ALG13: variants seen among roughly 807,000 people sequenced by gnomAD.
ALG13 encodes the protein ALG13 UDP-N-acetylglucosaminyltransferase subunit, also known as UDP-N-acetylglucosamine transferase subunit ALG13.
In ALG13, 11 loss-of-function variants were observed where a neutral mutation model predicts 87.8. The observed-to-expected ratio is 0.13, with a 90% CI of 0.08 to 0.21. The LOEUF (loss-of-function observed/expected upper bound fraction) is 0.21, where lower values mean the gene tolerates loss of function less well. Ranked by LOEUF, ALG13 falls within the 10% of genes least tolerant of loss-of-function variation. ALG13 has a pLI of 1.00. For missense variants in ALG13, 756 were observed against 866.1 expected, an observed-to-expected ratio of 0.87 and a Z score of 1.60; for synonymous variants, 320 against 306.3, an observed-to-expected ratio of 1.04 and a Z score of -0.47.
intron 15 of ALG13, among the ~76,000 whole-genome samples, chrX:111,725,447 G>C (rs765526135): frequency 9.0e-6 from 1 of 110,836 alleles, no homozygotes; most frequent in Non-Finnish European, 1.9e-5. Flanking sequence ...GTAGAATGAT[G>C]GTTACCAGAG....
chrX:111,706,923 C>CAA (rs776803537), intron 3 of ALG13, among the ~76,000 whole-genome samples: 1 of 35,706 alleles, frequency 2.8e-5, no homozygotes, highest in Non-Finnish European at 5.5e-5. Flanking sequence ...TCCACAGATA[C>CAA]AAAAAAAAAA....
chrX:111,696,573 G>C (rs1339510673), intron 3 of ALG13, among the ~76,000 whole-genome samples: 2 of 111,443 alleles, frequency 1.8e-5, no homozygotes, highest in Admixed American at 9.6e-5. Flanking sequence ...TCATTTAATT[G>C]GTTGAAACGT....
At chrX:111,691,322 A>C (rs746302388) in intron 3 of ALG13, among the ~76,000 whole-genome samples, 1 of 110,599 alleles carries the variant, frequency 9.0e-6, no homozygotes, top group Non-Finnish European at 1.9e-5. Context: ...GCTAGTCTCA[A>C]ACTCCTGACC....
chrX:111,751,020 A>T (rs1462788483), intron 24 of ALG13, among the ~76,000 whole-genome samples: 1 of 109,056 alleles, frequency 9.2e-6, no homozygotes, highest in Non-Finnish European at 1.9e-5. Context: ...CTTAGACCTA[A>T]CACTATTATA....
Position 111,682,189 on chromosome X carries a change from G to A in ALG13, c.139G>A (p.Val47Ile), listed in dbSNP as rs766512298. The change falls in exon 2 of 27, where the codon GTA becomes ATA. Residue 47 changes from valine to isoleucine, a missense_variant. Physicochemically the swap from Val to Ile is conservative, Grantham distance 29 (BLOSUM62 3). This residue lies in a region of ALG13 where 153 missense variants were observed against 168.7 expected (regional missense o/e 0.91). Coordinates refer to ENST00000394780, the MANE Select transcript of ALG13 (RefSeq NM_001099922.3). ...LILQIGRGTV[V>I]PEPFSTESFT... Reference sequence around the variant, plus strand: ...CCTGCAAATTGGTAGAGGAACGGTGGTACCTGAACCCTTCAGTACTGAGTC... The same window carrying A: ...CCTGCAAATTGGTAGAGGAACGGTGATACCTGAACCCTTCAGTACTGAGTC... The A allele has an allele frequency of 8.3e-6, 10 of 1,199,753 alleles. No individual in the cohort carries two copies. The Admixed American group carries it at 1.8e-4, about 22-fold the overall frequency.
chrX:111,755,000 G>A (rs1473818739), intron 25 of ALG13, among the ~76,000 whole-genome samples: 3 of 111,678 alleles, frequency 2.7e-5, no homozygotes, highest in Non-Finnish European at 3.8e-5. Context: ...TGGAGGCATC[G>A]TGCTATCTGA....
chrX:111,727,880 G>A, intron 18 of ALG13, 110 bp downstream of exon 18: 1 of 848,966 alleles, frequency 1.2e-6, no homozygotes, highest in East Asian at 3.5e-5. Flanking sequence ...ACCAAACAAA[G>A]CCTTTTCTGG....
rs957301150 is a variant in ALG13 at position 111,745,332 on chromosome X, G to C, written c.2932+428G>C. On this transcript the variant is annotated intron_variant, in intron 24 of 26. Transcript: ENST00000394780. ...AATTTCAACTGAATTTTAAAGATTT[G>C]GGGGAGTGGGGATTAGGAGTCTTAT... Among the ~76,000 whole-genome samples the C allele has an allele frequency of 2.2e-4, 24 of 111,058 alleles. No homozygotes were observed. The Admixed American group carries it at 2.2e-3, about 10-fold the overall frequency.
At position 111,713,306 on chromosome X, in the gene ALG13, A is replaced by T; in HGVS notation, c.1005+9A>T. ...ATGGCTATGAAGACAAGGTAAGAAG[A>T]TGAGTGAATGTTGACTTATATAAAA... On this transcript the variant is annotated intron_variant, in intron 8 of 26. Transcript: ENST00000394780. 8.9e-7 allele frequency: 1 copy of T among 1,121,683 alleles called. No individual in the cohort carries two copies. The highest frequency in any genetic ancestry group is 1.2e-6 in the Non-Finnish European group (1 of 819,437). 92.4% of individuals were successfully genotyped at this position (1,121,683 alleles called of 1,213,427 possible). A position where few individuals can be genotyped will look rare whatever the true frequency, so the allele number is the denominator to read the frequency against.
At chrX:111,711,793 C>A in intron 6 of ALG13, 68 bp downstream of exon 6, 1 of 1,039,492 alleles carries the variant, frequency 9.6e-7, no homozygotes, top group Non-Finnish European at 1.3e-6. Context: ...TTTATTCATT[C>A]AACTGTATTA....
rs1447402838 is a variant in ALG13 at position 111,760,129 on chromosome X, T to G, written c.*130T>G. On this transcript the variant is annotated 3_prime_UTR_variant, in exon 27 of 27. Coordinates refer to ENST00000394780, the MANE Select transcript of ALG13 (RefSeq NM_001099922.3). ...CTATTGTATTTGTCTTTAAAATTAT[T>G]TTATCTTTTGATTTAAAATAGTACT... The G allele has an allele frequency of 1.3e-6, 1 of 764,409 alleles. No individual in the cohort carries two copies. Among genetic ancestry groups the G allele is most frequent in the African/African-American group, 2.1e-5 (1 of 46,653 alleles). 63.0% of individuals were successfully genotyped at this position (764,409 alleles called of 1,213,427 possible).
In ALG13 at chrX:111,744,692, G is replaced by T; in HGVS notation, c.2720G>T (p.Cys907Phe). The change falls in exon 24 of 27, where the codon TGC (cysteine) becomes TTC (phenylalanine). Residue 907 changes from cysteine to phenylalanine, a missense_variant. This residue lies in a region of ALG13 where 362 missense variants were observed against 383.5 expected (regional missense o/e 0.94). Coordinates refer to ENST00000394780, the MANE Select transcript of ALG13 (RefSeq NM_001099922.3). Reference sequence around the variant, plus strand: ...GTGATTGCCTCACCATCCTATCCATGCCATTCTGCTATTCCTCATGCTGGT... The same window carrying T: ...GTGATTGCCTCACCATCCTATCCATTCCATTCTGCTATTCCTCATGCTGGT... ...RPVIASPSYP[C>F]HSAIPHAGAS... is the part of the protein sequence containing the mutation. 8.4e-7 allele frequency: 1 copy of T among 1,183,503 alleles called. No individual in the cohort carries two copies. The highest frequency in any genetic ancestry group is 1.1e-6 in the Non-Finnish European group (1 of 883,771).
chrX:111,726,889 T>G lies in ALG13; in HGVS notation c.1810T>G (p.Tyr604Asp), dbSNP rs1299120203. 21 of 1,209,434 alleles carry G rather than the reference T, an allele frequency of 1.7e-5. No homozygotes were observed. The highest frequency in any genetic ancestry group is 2.2e-5 in the Non-Finnish European group (20 of 895,063). The change falls in exon 16 of 27, where the codon TAC becomes GAC. Residue 604 changes from tyrosine (Y) to aspartate (D), a missense_variant. Transcript: ENST00000394780. ...RGKEVYMTMA[Y>D]GKGDPLLPPR... The stretch of plus-strand genomic sequence containing the variant: ...GAAAGAAGTTTACATGACTATGGCT[T>G]ACGGCAAGGGAGACCCCCTCCTCCC...
chrX:111,697,140 A>G (rs1937088411), intron 3 of ALG13, among the ~76,000 whole-genome samples: 1 of 111,294 alleles, frequency 9.0e-6, no homozygotes, highest in African/African-American at 3.3e-5. Context: ...TTAAGTCACA[A>G]AAATTTCTAG....
intron 21 of ALG13, chrX:111,734,498 G>C (rs750227215): frequency 8.9e-6 from 1 of 112,253 alleles, no homozygotes; most frequent in East Asian, 2.8e-4. Context: ...TCTTACTAAT[G>C]TAACCAATCT....
chrX:111,756,138 A>G (rs1945229619), intron 25 of ALG13, among the ~76,000 whole-genome samples: 1 of 111,922 alleles, frequency 8.9e-6, no homozygotes, highest in South Asian at 3.7e-4. Flanking sequence ...GCTGGCAACC[A>G]TTCTCAGCAA....
At chrX:111,706,264 C>T (rs777181871) in intron 3 of ALG13, among the ~76,000 whole-genome samples, 2 of 112,183 alleles carry the variant, frequency 1.8e-5, no homozygotes, top group Non-Finnish European at 3.8e-5. Context: ...CTCCTGACCT[C>T]GTGATCTGCC....
intron 3 of ALG13, among the ~76,000 whole-genome samples, chrX:111,701,436 G>T (rs1323905387): frequency 9.0e-6 from 1 of 111,360 alleles, no homozygotes; most frequent in African/African-American, 3.3e-5. Context: ...TTGGTAGGTT[G>T]TATGTGTCTA....
At chrX:111,746,038 C>T (rs1014006375) in intron 24 of ALG13, among the ~76,000 whole-genome samples, 4 of 111,603 alleles carry the variant, frequency 3.6e-5, no homozygotes, top group African/African-American at 6.5e-5. Flanking sequence ...TACTTTATCA[C>T]ATATCTATCC....
Sources: allele counts gnomAD v4.1 joint callset (sites outside exome capture counted in the v4.1 genomes callset), GRCh38; gene constraint gnomAD v4.1.1; regional missense constraint gnomAD v4.1.1; transcripts MANE v1.5; gene names NCBI Gene and HGNC (gene_info 2026-07-23, HGNC 2026-07-21).